Variants in KRT24 observed in about 807,000 individuals in gnomAD.
The protein encoded by KRT24 is keratin 24.
KRT24 carries 44 observed loss-of-function variants against 51.7 expected under a neutral mutation model. That is an observed-to-expected ratio of 0.85 (90% confidence interval 0.67 to 1.09). KRT24 has a LOEUF of 1.09. Ranked by LOEUF, KRT24 falls within the 50% of genes least tolerant of loss-of-function variation. KRT24 has a pLI of 0.00. For synonymous variants in KRT24, 241 were observed against 249.5 expected, an observed-to-expected ratio of 0.97 and a Z score of 0.32; for missense variants, 633 against 647.0, an observed-to-expected ratio of 0.98 and a Z score of 0.24.
chr17:40,700,105 G>A lies in KRT24; in HGVS notation c.1036C>T (p.Gln346Ter). The A allele has an allele frequency of 1.2e-6, 2 of 1,614,160 alleles. No individual in the cohort carries two copies. Among genetic ancestry groups the A allele is most frequent in the Non-Finnish European group, 1.7e-6 (2 of 1,180,024 alleles). ...FNKQSASLQA[Q>*]ISTDAGAATS... ...GCTGCCCCAGCATCAGTGGAGATTT[G>A]TGCTTGTAGTGATGCGCTCTAAATA... is the stretch of plus-strand genomic sequence containing the variant. Residue 346 changes from glutamine (Q) to a stop codon, truncating the protein, a stop_gained, in exon 5 of 8, where the codon CAA becomes TAA. Coordinates refer to ENST00000264651, the MANE Select transcript of KRT24 (RefSeq NM_019016.3). LOFTEE classifies it high-confidence loss of function.
At chr17:40,701,379 G>T in intron 2 of KRT24, 83 bp from the exon 3 acceptor site, 1 of 1,164,328 alleles carries the variant, frequency 8.6e-7, no homozygotes, top group Non-Finnish European at 1.2e-6. Flanking sequence ...CTTACATATT[G>T]AAAAAGTTCT....
At position 40,703,635 on chromosome 17, in the gene KRT24, A is replaced by G. The variant is rs2144084794; in HGVS notation, c.59T>C (p.Val20Ala). The G allele has an allele frequency of 6.2e-7, 1 of 1,606,768 alleles. No homozygotes were observed. Among genetic ancestry groups the G allele is most frequent in the East Asian group, 2.2e-5 (1 of 44,812 alleles). ...GCTGAAGCTGCTTCCACCAGCAGAC[A>G]CCCTGGCTGAGCTGCTGCCTCCAGC... ...SRAGGSSSAR[V>A]SAGGSSFSSG... The change falls in exon 1 of 8, where the codon GTG becomes GCG. Residue 20 changes from valine (V) to alanine (A), a missense_variant. Physicochemically the swap from Val to Ala is moderately conservative, Grantham distance 64 (BLOSUM62 0). Transcript: ENST00000264651.
intron 1 of KRT24, among the ~76,000 whole-genome samples, 192 bp from the exon 2 acceptor site, chr17:40,702,125 A>G (rs2037690765): frequency 6.6e-6 from 1 of 151,670 alleles, no homozygotes. Flanking sequence ...TCCGCCTCCC[A>G]TGTTTAAGCG....
rs778674796 is a variant in KRT24 at position 40,698,048 on chromosome 17, T to C, written c.*189A>G. On this transcript the variant is annotated 3_prime_UTR_variant, in exon 8 of 8. Transcript: ENST00000264651. ...GAAACAATTAAAGCAAAGTTGTTAA[T>C]TCAGCTATTTCAAGAGCATTCTAAT... 7.4e-6 allele frequency: 4 copies of C among 541,742 alleles called. No homozygotes were observed. Among genetic ancestry groups the C allele is most frequent in the Non-Finnish European group, 9.8e-6 (3 of 307,108 alleles). The allele number at this position is 541,742 out of a possible 1,614,324, so 33.6% of individuals were successfully genotyped here. A position where few individuals can be genotyped will look rare whatever the true frequency, so the allele number is the denominator to read the frequency against.
intron 6 of KRT24, 83 bp downstream of exon 6, chr17:40,699,361 G>T: frequency 1.9e-6 from 2 of 1,052,516 alleles, no homozygotes; most frequent in Non-Finnish European, 3.0e-6. Context: ...ATATATACAA[G>T]TCTAAGCCCT....
At chr17:40,699,411 A>C in intron 6 of KRT24, 33 bp downstream of exon 6, 1 of 1,524,902 alleles carries the variant, frequency 6.6e-7, no homozygotes, top group Non-Finnish European at 9.1e-7. Flanking sequence ...TCACTAAGGT[A>C]TGCATTTTAG....
chr17:40,701,723 GTA>G (rs36205605), intron 2 of KRT24, 126 bp downstream of exon 2: 93 of 38,332 alleles, frequency 2.4e-3, no homozygotes, highest in Admixed American at 5.3e-3. Context: ...TGATCCTCTA[GTA>G]TATATATATA....
At chr17:40,702,001 A>G in intron 1 of KRT24, 68 bp from the exon 2 acceptor site, 1 of 745,280 alleles carries the variant, frequency 1.3e-6, no homozygotes, top group Non-Finnish European at 2.2e-6. Flanking sequence ...GCCTACTTGT[A>G]AGGGTAGCTG....
rs1567862058 is a variant in KRT24 at position 40,699,980 on chromosome 17, A to C, written c.1143+18T>G. ...CTTAACTCCCTGTTGGAAAATGTGA[A>C]AAGCTATTTGCACATACCATGGCCA... On this transcript the variant is annotated intron_variant, in intron 5 of 7. Coordinates refer to ENST00000264651, the MANE Select transcript of KRT24 (RefSeq NM_019016.3). 1 of 1,613,832 alleles carries C rather than the reference A, an allele frequency of 6.2e-7. No homozygotes were observed.
At position 40,703,081 on chromosome 17, in the gene KRT24, G is replaced by T; in HGVS notation, c.613C>A (p.Gln205Lys). 6.3e-7 allele frequency: 1 copy of T among 1,590,530 alleles called. No individual in the cohort carries two copies. The highest frequency in any genetic ancestry group is 8.6e-7 in the Non-Finnish European group (1 of 1,169,494). Residue 205 changes from glutamine (Q) to lysine (K), a missense_variant and splice_region_variant, in exon 1 of 8, where the codon CAG becomes AAG. Gln to Lys is a moderately conservative substitution (Grantham distance 53). Coordinates refer to ENST00000264651, the MANE Select transcript of KRT24 (RefSeq NM_019016.3). ...AACTCAGGCACAGATAGTCTCACCTGGTTTCTGAGATCTTCAATTATTGAA... is the reference window on the plus strand; with the variant it reads ...AACTCAGGCACAGATAGTCTCACCTTGTTTCTGAGATCTTCAATTATTGAA... ...YYSIIEDLRN[Q>K]IIAATVENAG... is the part of the protein sequence containing the mutation.
At chr17:40,700,444 G>C in intron 3 of KRT24, 61 bp from the exon 4 acceptor site, 1 of 1,308,794 alleles carries the variant, frequency 7.6e-7, no homozygotes, top group Non-Finnish European at 1.1e-6. Context: ...TTCCGAAAAT[G>C]TGCCTAGACA....
chr17:40,701,917 A>G lies in KRT24; in HGVS notation c.632T>C (p.Val211Ala). The change falls in exon 2 of 8, where the codon GTT becomes GCT. Residue 211 changes from valine to alanine, a missense_variant. Transcript: ENST00000264651. ...GTGCAAAATGATCCCAGCATTTTCA[A>G]CAGTGGCAGCAATGATCTAAAAAAG... is the stretch of plus-strand genomic sequence containing the variant. ...DLRNQIIAAT[V>A]ENAGIILHID... is the part of the protein sequence containing the mutation. 6.5e-7 allele frequency: 1 copy of G among 1,549,030 alleles called. No homozygotes were observed. Among genetic ancestry groups the G allele is most frequent in the Non-Finnish European group, 8.8e-7 (1 of 1,139,680 alleles).
intron 1 of KRT24, 60 bp downstream of exon 1, chr17:40,703,019 T>G: frequency 1.3e-6 from 2 of 1,499,472 alleles, no homozygotes; most frequent in Non-Finnish European, 1.8e-6. Context: ...TTATAGTACA[T>G]GATCTGAAAA....
chr17:40,703,154 C>T lies in KRT24; in HGVS notation c.540G>A (p.Gly180=). The T allele has an allele frequency of 6.2e-7, 1 of 1,614,100 alleles. No homozygotes were observed. Among genetic ancestry groups the T allele is most frequent in the Non-Finnish European group, 8.5e-7 (1 of 1,179,980 alleles). The part of the protein sequence containing the change: ...NKIKEWYDKY[G]PGSGDGGSGR... ...CCGATCCACCGTCTCCAGACCCAGG[C>T]CCATATTTGTCATACCACTCCTTGA... Residue 180 remains glycine, a synonymous_variant, in exon 1 of 8, where the codon GGG becomes GGA. Transcript: ENST00000264651.
intron 2 of KRT24, 47 bp from the exon 3 acceptor site, chr17:40,701,343 C>G: frequency 6.4e-7 from 1 of 1,556,828 alleles, no homozygotes; most frequent in Non-Finnish European, 8.8e-7. Flanking sequence ...GCTCACCTGG[C>G]CGTGTTTCAA....
rs536352942 is a variant in KRT24, at chr17:40,701,216, A to G, written c.779T>C (p.Met260Thr). The G allele has an allele frequency of 2.5e-6, 4 of 1,614,122 alleles. No homozygotes were observed. Among genetic ancestry groups the G allele is most frequent in the Middle Eastern group, 1.6e-4 (1 of 6,062 alleles). The change falls in exon 3 of 8, where the codon ATG becomes ACG. Residue 260 changes from methionine to threonine, a missense_variant. Met to Thr is a moderately conservative substitution (Grantham distance 81). Coordinates refer to ENST00000264651, the MANE Select transcript of KRT24 (RefSeq NM_019016.3). ...CTGCATCTCCAGGTCAGAGCGGGTC[A>G]TAGTCAGGTCATCCAGGACTTTCCG... is the stretch of plus-strand genomic sequence containing the variant. Reference protein sequence around the residue: ...GLRKVLDDLTMTRSDLEMQIE... With the variant: ...GLRKVLDDLTTTRSDLEMQIE...
Position 40,701,753 on chromosome 17 carries a change from ATATATATATATATATATATATATATATT to A in KRT24, c.698+70_698+97del, listed in dbSNP as rs1432691952. The A allele has an allele frequency of 6.9e-3, 260 of 37,832 alleles. 12 individuals are homozygous for A. Among genetic ancestry groups the A allele is most frequent in the Admixed American group, 0.047 (195 of 4,130 alleles). 2.3% of individuals were successfully genotyped at this position (37,832 alleles called of 1,614,324 possible). A position where few individuals can be genotyped will look rare whatever the true frequency, so the allele number is the denominator to read the frequency against. On this transcript the variant is annotated intron_variant, in intron 2 of 7. Coordinates refer to ENST00000264651, the MANE Select transcript of KRT24 (RefSeq NM_019016.3). ...TATATATATATATATATATATATAT[ATATATATATATATATATATATATATATT>A]TATTTATAAAATGGAATAAAATTTA...
At chr17:40,699,689 A>G in intron 5 of KRT24, 28 bp from the exon 6 acceptor site, 1 of 1,581,552 alleles carries the variant, frequency 6.3e-7, no homozygotes, top group Non-Finnish European at 8.7e-7. Context: ...TAAAAAATTC[A>G]TGATGAAAAT....
chr17:40,698,123 T>C lies in KRT24; in HGVS notation c.*114A>G, dbSNP rs915503266. 20 of 683,564 alleles carry C rather than the reference T, an allele frequency of 2.9e-5. No homozygotes were observed. Among genetic ancestry groups the C allele is most frequent in the South Asian group, 2.2e-4 (12 of 54,188 alleles). The allele number at this position is 683,564 out of a possible 1,614,324, so 42.3% of individuals were successfully genotyped here. On this transcript the variant is annotated 3_prime_UTR_variant, in exon 8 of 8. Transcript: ENST00000264651. Reference sequence around the variant, plus strand: ...GTTGGCTAGTCATCCATTTCTGGACTGAAGCTTTTCCTGAAATTATCCAGA... The same window carrying C: ...GTTGGCTAGTCATCCATTTCTGGACCGAAGCTTTTCCTGAAATTATCCAGA...
Sources: allele counts gnomAD v4.1 joint callset (sites outside exome capture counted in the v4.1 genomes callset), GRCh38; gene constraint gnomAD v4.1.1; transcripts MANE v1.5; gene names NCBI Gene and HGNC (gene_info 2026-07-23, HGNC 2026-07-21).